Variants in NUBP1 observed in about 807,000 individuals in gnomAD.
NUBP1 encodes the protein NUBP iron-sulfur cluster assembly factor 1, cytosolic.
A neutral mutation model predicts 41.8 loss-of-function variants in NUBP1; 46 were observed. That is an observed-to-expected ratio of 1.10 (90% CI 0.87 to 1.41). The LOEUF (loss-of-function observed/expected upper bound fraction) is 1.41, where lower values mean the gene tolerates loss of function less well. Ranked by LOEUF, NUBP1 falls within the 40% of genes most tolerant of loss-of-function variation. NUBP1 has a pLI of 0.00. For synonymous variants in NUBP1, 189 were observed against 154.6 expected, an observed-to-expected ratio of 1.22 and a Z score of -1.65; for missense variants, 494 against 414.0, an observed-to-expected ratio of 1.19 and a Z score of -1.68.
At position 10,765,600 on chromosome 16, in the gene NUBP1, C is replaced by G. The variant is rs1355477742; in HGVS notation, c.821-2349C>G. Among the ~76,000 whole-genome samples the G allele has an allele frequency of 6.6e-6, 1 of 152,222 alleles. No homozygotes were observed. Among genetic ancestry groups the G allele is most frequent in the Admixed American group, 6.5e-5 (1 of 15,290 alleles). On this transcript the variant is annotated intron_variant, in intron 9 of 10. Transcript: ENST00000283027. This position sits in a 1 kb window ranked among gnomAD's most constrained non-coding sequence, Gnocchi z 4.0. ...CTGCCCTTGCCATTGTCTGACAGAT[C>G]AGGAAGTGACCTTGGGGCTATTAGA...
At position 10,757,935 on chromosome 16, in the gene NUBP1, AC is replaced by A. The variant is rs1184874826; in HGVS notation, c.518del (p.Pro173HisfsTer24). 1.2e-6 allele frequency: 2 copies of A among 1,613,140 alleles called. No homozygotes were observed. Among genetic ancestry groups the A allele is most frequent in the South Asian group, 2.2e-5 (2 of 90,964 alleles). ...WGEVDYLIVD[T>X]PPGTSDEHLS... is the part of the protein sequence containing the mutation. ...AGAGGTCGACTACCTCATTGTGGAC[AC>A]CCCACCTGGGACGTCGGATGAACAC... On this transcript the variant is annotated frameshift_variant, in exon 7 of 11. Transcript: ENST00000283027. LOFTEE classifies it high-confidence loss of function. This position sits in a 1 kb window ranked among gnomAD's most constrained non-coding sequence, Gnocchi z 4.1.
chr16:10,760,075 A>G (rs1900837372), intron 7 of NUBP1, among the ~76,000 whole-genome samples: 1 of 152,254 alleles, frequency 6.6e-6, no homozygotes, highest in African/African-American at 2.4e-5. Context: ...ATCACATTGG[A>G]AAAACTCAGA....
chr16:10,764,703 CTCAGTCTGCTGGAGTATG>C (rs2030594030), intron 9 of NUBP1, among the ~76,000 whole-genome samples: 1 of 151,530 alleles, frequency 6.6e-6, no homozygotes, highest in African/African-American at 2.4e-5. Context: ...ATTGGAGCAT[CTCAGTCTGCTGGAGTATG>C]TCAGTCTGTT....
chr16:10,766,668 G>C lies in NUBP1; in HGVS notation c.821-1281G>C. 3.3e-6 allele frequency: 1 copy of C among 305,194 alleles called. No individual in the cohort carries two copies. Among genetic ancestry groups the C allele is most frequent in the Non-Finnish European group, 6.0e-6 (1 of 167,670 alleles). The allele number at this position is 305,194 out of a possible 1,614,324, so 18.9% of individuals were successfully genotyped here. ...TCTGGAACAAAAAATTGGACAAAAC[G>C]CACAAAGAAAGGAAGGAAGGAAGGG... On this transcript the variant is annotated intron_variant, in intron 9 of 10. Transcript: ENST00000283027. This position sits in a 1 kb window ranked among gnomAD's most constrained non-coding sequence, Gnocchi z 4.8.
At chr16:10,752,242 T>C (rs1900350895) in intron 3 of NUBP1, among the ~76,000 whole-genome samples, 1 of 152,216 alleles carries the variant, frequency 6.6e-6, no homozygotes, top group African/African-American at 2.4e-5. Context: ...CTGCCGTCTC[T>C]TGGCTGTTCC....
rs763571135 is a variant in NUBP1 at position 10,767,917 on chromosome 16, C to T, written c.821-32C>T. The T allele has an allele frequency of 6.2e-7, 1 of 1,603,322 alleles. No individual in the cohort carries two copies. Among genetic ancestry groups the T allele is most frequent in the Non-Finnish European group, 8.5e-7 (1 of 1,170,274 alleles). On this transcript the variant is annotated intron_variant, in intron 9 of 10. Coordinates refer to ENST00000283027, the MANE Select transcript of NUBP1 (RefSeq NM_002484.4). The surrounding 1 kb of genome is among the most constrained non-coding windows in gnomAD (Gnocchi z 4.6). Reference sequence around the variant, plus strand: ...GTGGCCATTCTGTTTTCCTCTTGGACTGAATTGTCTTCCGTTTGTTTCTTT... The same window carrying T: ...GTGGCCATTCTGTTTTCCTCTTGGATTGAATTGTCTTCCGTTTGTTTCTTT...
At chr16:10,751,214 C>A (rs1900298662) in intron 3 of NUBP1, among the ~76,000 whole-genome samples, 1 of 152,018 alleles carries the variant, frequency 6.6e-6, no homozygotes, top group South Asian at 2.1e-4. Flanking sequence ...TAAATTGTTC[C>A]CTAAAGGAAG....
In NUBP1 at chr16:10,769,222, T is replaced by C; in HGVS notation, c.*117T>C. The C allele has an allele frequency of 1.2e-6, 1 of 837,904 alleles. No homozygotes were observed. Among genetic ancestry groups the C allele is most frequent in the East Asian group, 2.5e-5 (1 of 39,564 alleles). 51.9% of individuals were successfully genotyped at this position (837,904 alleles called of 1,614,324 possible). A position where few individuals can be genotyped will look rare whatever the true frequency, so the allele number is the denominator to read the frequency against. On this transcript the variant is annotated 3_prime_UTR_variant, in exon 11 of 11. Coordinates refer to ENST00000283027, the MANE Select transcript of NUBP1 (RefSeq NM_002484.4). The stretch of plus-strand genomic sequence containing the variant: ...GGGTCACAGCAAAAGGACCAGATGC[T>C]GGTGTGGTCCGAAGCCACTTTCTCA...
chr16:10,752,853 T>A (rs1900384432), intron 4 of NUBP1, among the ~76,000 whole-genome samples, 175 bp downstream of exon 4: 1 of 152,226 alleles, frequency 6.6e-6, no homozygotes, highest in Non-Finnish European at 1.5e-5. Context: ...TGGAGTGCAG[T>A]GGTGCAACCT....
Position 10,756,822 on chromosome 16 carries a change from G to T in NUBP1, c.451+42G>T. On this transcript the variant is annotated intron_variant, in intron 6 of 10. Transcript: ENST00000283027. ...TTTTTTGTCTCTCACATTCTTCCAC[G>T]AGCGTTGTGGCTCTTGGCTTTATCT... The T allele has an allele frequency of 2.0e-6, 3 of 1,518,672 alleles. No homozygotes were observed. The South Asian group carries it at 3.6e-5, about 18-fold the overall frequency. 94.1% of individuals were successfully genotyped at this position (1,518,672 alleles called of 1,614,324 possible). A position where few individuals can be genotyped will look rare whatever the true frequency, so the allele number is the denominator to read the frequency against.
Position 10,769,342 on chromosome 16 carries a change from C to T in NUBP1, c.*237C>T, listed in dbSNP as rs1482133639. 2.0e-5 allele frequency: 9 copies of T among 451,650 alleles called. No individual in the cohort carries two copies. The highest frequency in any genetic ancestry group is 3.5e-5 in the Non-Finnish European group (9 of 256,292). 28.0% of individuals were successfully genotyped at this position (451,650 alleles called of 1,614,324 possible). On this transcript the variant is annotated 3_prime_UTR_variant, in exon 11 of 11. Transcript: ENST00000283027. ...TGTGCCGTTTTAAGAATAAAACCCC[C>T]TCAAATCTCTCCCCCGAGGCCTGTT...
At chr16:10,747,450 A>G (rs780696049) in intron 3 of NUBP1, among the ~76,000 whole-genome samples, 174 bp downstream of exon 3, 5 of 152,246 alleles carry the variant, frequency 3.3e-5, no homozygotes, top group Admixed American at 6.5e-5. Flanking sequence ...CCTGGCCAAC[A>G]TGGCAAAACC....
Position 10,761,811 on chromosome 16 carries a change from G to C in NUBP1, c.772G>C (p.Asp258His), listed in dbSNP as rs377280287. 2.3e-5 allele frequency: 37 copies of C among 1,614,038 alleles called. No homozygotes were observed. Among genetic ancestry groups the C allele is most frequent in the Non-Finnish European group, 2.8e-5 (33 of 1,179,962 alleles). Residue 258 changes from aspartate (D) to histidine (H), a missense_variant, in exon 9 of 11, where the codon GAC (aspartate) becomes CAC (histidine). Coordinates refer to ENST00000283027, the MANE Select transcript of NUBP1 (RefSeq NM_002484.4). Reference protein sequence around the residue: ...TTGGAELMCQDLEVPLLGRVP... With the variant: ...TTGGAELMCQHLEVPLLGRVP... ...CGGGGGCGCGGAGCTCATGTGCCAGGACTTGGAGGTCCCTCTCCTCGGCAG... is the reference window on the plus strand; with the variant it reads ...CGGGGGCGCGGAGCTCATGTGCCAGCACTTGGAGGTCCCTCTCCTCGGCAG...
chr16:10,760,846 T>C (rs2142743542), intron 7 of NUBP1: 2 of 154,570 alleles, frequency 1.3e-5, no homozygotes, highest in South Asian at 4.0e-4. Flanking sequence ...TAAATAAATA[T>C]GGATTTGGCA....
In NUBP1 at chr16:10,749,843, A is replaced by G. The variant is rs576317612; in HGVS notation, c.258+2567A>G. ...AAAGGGCCTTGGATCAAGAGAGAGC[A>G]GAATTAGAAAACACCCCTGACGAGT... is the stretch of plus-strand genomic sequence containing the variant. On this transcript the variant is annotated intron_variant, in intron 3 of 10. Coordinates refer to ENST00000283027, the MANE Select transcript of NUBP1 (RefSeq NM_002484.4). The surrounding 1 kb of genome is among the most constrained non-coding windows in gnomAD (Gnocchi z 4.1). Among the ~76,000 whole-genome samples, 2 of 152,346 alleles carry G rather than the reference A, an allele frequency of 1.3e-5. No individual in the cohort carries two copies. Among genetic ancestry groups the G allele is most frequent in the South Asian group, 2.1e-4 (1 of 4,832 alleles).
intron 2 of NUBP1, among the ~76,000 whole-genome samples, chr16:10,745,890 G>A (rs980756027): frequency 7.2e-5 from 11 of 152,188 alleles, no homozygotes; most frequent in Non-Finnish European, 7.3e-5. Context: ...TCAGTGTGGC[G>A]TTTAACAGAC....
At chr16:10,755,585 A>G in intron 4 of NUBP1, 136 bp from the exon 5 acceptor site, 1 of 860,670 alleles carries the variant, frequency 1.2e-6, no homozygotes, top group Non-Finnish European at 1.9e-6. Flanking sequence ...CCTTTTAGGA[A>G]TTTCGTGGTA....
intron 2 of NUBP1, among the ~76,000 whole-genome samples, chr16:10,746,050 A>G (rs74594895): frequency 0.013 from 2,043 of 152,334 alleles, 36 homozygotes; most frequent in Non-Finnish European, 0.019. Context: ...TCATCCCACA[A>G]TGGATTGCAT....
Position 10,765,327 on chromosome 16 carries a change from TAAAAAAAAA to T in NUBP1, c.821-2608_821-2600del, listed in dbSNP as rs533208449. On this transcript the variant is annotated intron_variant, in intron 9 of 10. Transcript: ENST00000283027. This position sits in a 1 kb window ranked among gnomAD's most constrained non-coding sequence, Gnocchi z 4.0. ...TAACACAGGAAGATACCTCATCTCT[TAAAAAAAAA>T]AAAAAAAAAAAAAGGAAAAAATTCA... Among the ~76,000 whole-genome samples, 933 of 111,262 alleles carry T rather than the reference TAAAAAAAAA, an allele frequency of 8.4e-3. 5 individuals are homozygous for T. Among genetic ancestry groups the T allele is most frequent in the Admixed American group, 0.011 (104 of 9,488 alleles). 73.0% of individuals were successfully genotyped at this position (111,262 alleles called of 152,430 possible).
Sources: gnomAD v4.1 joint callset for allele counts (sites outside exome capture counted in the v4.1 genomes callset) on GRCh38, gnomAD v4.1.1 for gene constraint, Gnocchi (gnomAD v3.1) non-coding constraint, MANE v1.5 for transcripts, NCBI Gene and HGNC (gene_info 2026-07-23, HGNC 2026-07-21) for gene names.